LARGE1: variants seen among roughly 807,000 people sequenced by gnomAD.
LARGE1 encodes LARGE xylosyl- and glucuronyltransferase 1, also known as xylosyl- and glucuronyltransferase LARGE1.
LARGE1 carries 43 observed loss-of-function variants against 87.6 expected under a neutral mutation model. The ratio of observed to expected loss-of-function variants is 0.49; its 90% CI spans 0.38 to 0.63. LARGE1 has a LOEUF of 0.63. Ranked by LOEUF, LARGE1 falls within the 30% of genes least tolerant of loss-of-function variation. The pLI is 0.00. For synonymous variants in LARGE1, 434 were observed against 394.6 expected, an observed-to-expected ratio of 1.10 and a Z score of -1.18; for missense variants, 802 against 1,000.2, an observed-to-expected ratio of 0.80 and a Z score of 2.67.
At chr22:33,145,141 T>A in the LARGE1 span, among the ~76,000 whole-genome samples, 1 of 152,084 alleles carries the variant, frequency 6.6e-6, no homozygotes, top group Non-Finnish European at 1.5e-5. Context: ...GAGGGAGATG[T>A]CCATGTACTA....
At chr22:33,407,866 AAG>A in intron 7 of LARGE1, among the ~76,000 whole-genome samples, 1 of 152,232 alleles carries the variant, frequency 6.6e-6, no homozygotes, top group Admixed American at 6.5e-5. Context: ...TCTAAATAAT[AAG>A]CAGAGAGACA....
At chr22:33,147,196 A>G in the LARGE1 span, among the ~76,000 whole-genome samples, 3 of 152,228 alleles carry the variant, frequency 2.0e-5, no homozygotes, top group Non-Finnish European at 4.4e-5. Flanking sequence ...TATTATAAAT[A>G]AAGCAGTTAT....
At chr22:33,270,376 T>C (rs996504355), downstream of LARGE1, among the ~76,000 whole-genome samples, 1 of 152,192 alleles carries the variant, frequency 6.6e-6, no homozygotes, top group Non-Finnish European at 1.5e-5. Context: ...GCCTCGCAGC[T>C]AAGCTGATTT....
chr22:33,482,168 G>C (rs772332688), intron 6 of LARGE1, among the ~76,000 whole-genome samples: 1 of 152,180 alleles, frequency 6.6e-6, no homozygotes, highest in African/African-American at 2.4e-5. Context: ...TATTTGGTTT[G>C]AGGTCAAAAG....
chr22:33,143,628 C>T, the LARGE1 span, among the ~76,000 whole-genome samples: 26 of 152,184 alleles, frequency 1.7e-4, no homozygotes, highest in East Asian at 4.4e-3. Context: ...ATTAGAACAA[C>T]TCTGGAAGAC....
chr22:33,820,574 G>A (rs940819525), intron 1 of LARGE1, among the ~76,000 whole-genome samples: 7 of 152,086 alleles, frequency 4.6e-5, no homozygotes, highest in East Asian at 3.9e-4. Flanking sequence ...CAATCCTCCC[G>A]CCTCAGCCTC....
intron 10 of LARGE1, among the ~76,000 whole-genome samples, chr22:33,327,721 TCA>T (rs1162011985): frequency 1.3e-5 from 2 of 152,176 alleles, no homozygotes; most frequent in Admixed American, 6.5e-5. Context: ...TGCTTATTTT[TCA>T]CAGAGACGAG....
At chr22:33,716,732 T>C (rs2082918654) in intron 2 of LARGE1, among the ~76,000 whole-genome samples, 2 of 152,218 alleles carry the variant, frequency 1.3e-5, no homozygotes, top group Non-Finnish European at 2.9e-5. Context: ...CTCTATTATG[T>C]GTCACTTGCT....
the LARGE1 span, among the ~76,000 whole-genome samples, chr22:33,132,838 C>G: frequency 7.9e-5 from 12 of 152,138 alleles, no homozygotes; most frequent in Non-Finnish European, 1.0e-4. Flanking sequence ...CATCTATTAT[C>G]GTGCATGTAA....
intron 9 of LARGE1, among the ~76,000 whole-genome samples, chr22:33,359,638 A>G (rs1251120551): frequency 7.2e-6 from 1 of 138,992 alleles, no homozygotes; most frequent in Non-Finnish European, 1.5e-5. Context: ...ATCTTGGCTC[A>G]CTGCAAGCTC....
intron 3 of LARGE1, among the ~76,000 whole-genome samples, chr22:33,630,282 G>A (rs1289251878): frequency 1.3e-5 from 2 of 152,134 alleles, no homozygotes; most frequent in Non-Finnish European, 2.9e-5. Flanking sequence ...CAGAATCAGT[G>A]ACCACTGGTC....
intron 11 of LARGE1, among the ~76,000 whole-genome samples, chr22:33,245,972 T>G (rs960763627): frequency 6.6e-6 from 1 of 152,228 alleles, no homozygotes; most frequent in Non-Finnish European, 1.5e-5. Flanking sequence ...AATAAAAAGA[T>G]AATATGAAAT....
intron 11 of LARGE1, among the ~76,000 whole-genome samples, chr22:33,193,989 C>T (rs958119095): frequency 2.0e-5 from 3 of 146,428 alleles, no homozygotes; most frequent in Non-Finnish European, 4.5e-5. Flanking sequence ...TATAATTTTA[C>T]ATATATATAA....
At chr22:33,879,245 C>T (rs987426353) in intron 1 of LARGE1, among the ~76,000 whole-genome samples, 7 of 152,180 alleles carry the variant, frequency 4.6e-5, no homozygotes, top group East Asian at 1.9e-4. Context: ...GGATTACAGG[C>T]GTGAGCCACC....
At chr22:33,374,317 T>C (rs1466727434) in intron 9 of LARGE1, among the ~76,000 whole-genome samples, 4 of 152,196 alleles carry the variant, frequency 2.6e-5, no homozygotes, top group Admixed American at 2.6e-4. Flanking sequence ...TGAAGTTGTT[T>C]CTTACCTTTT....
the LARGE1 span, among the ~76,000 whole-genome samples, chr22:33,142,700 T>C: frequency 6.6e-6 from 1 of 152,208 alleles, no homozygotes. Context: ...CCAAAGTTTT[T>C]AATGTTTGTT....
intron 7 of LARGE1, among the ~76,000 whole-genome samples, chr22:33,400,539 T>C (rs949293329): frequency 6.6e-6 from 1 of 152,192 alleles, no homozygotes; most frequent in African/African-American, 2.4e-5. Context: ...TGAATCTGCC[T>C]CTCTCTATCA....
At chr22:33,232,164 C>T (rs947532705) in intron 11 of LARGE1, among the ~76,000 whole-genome samples, 2 of 152,146 alleles carry the variant, frequency 1.3e-5, no homozygotes, top group South Asian at 2.1e-4. Context: ...ACAATAGAGC[C>T]GATTTTCACC....
Position 33,273,356 on chromosome 22 carries a change from G to T in LARGE1, c.*1071C>A. ...ACAGTGAAGCAGGCAAGAACCAGAGGAACCCAATCACTTTCTTCCTGTAGG... is the reference window on the plus strand; with the variant it reads ...ACAGTGAAGCAGGCAAGAACCAGAGTAACCCAATCACTTTCTTCCTGTAGG... On this transcript the variant is annotated 3_prime_UTR_variant, in exon 15 of 15. Coordinates refer to ENST00000397394, the MANE Select transcript of LARGE1 (RefSeq NM_133642.5). 1 of 398,802 alleles carries T rather than the reference G, an allele frequency of 2.5e-6. No individual in the cohort carries two copies. The highest frequency in any genetic ancestry group is 1.3e-4 in the South Asian group (1 of 7,670). The allele number at this position is 398,802 out of a possible 1,614,324, so 24.7% of individuals were successfully genotyped here. A position where few individuals can be genotyped will look rare whatever the true frequency, so the allele number is the denominator to read the frequency against.
Sources: allele counts gnomAD v4.1 joint callset (sites outside exome capture counted in the v4.1 genomes callset), GRCh38; gene constraint gnomAD v4.1.1; transcripts MANE v1.5; gene names NCBI Gene and HGNC (gene_info 2026-07-23, HGNC 2026-07-21).